Variants in ANKS1B observed in about 807,000 individuals in gnomAD.
ANKS1B encodes ankyrin repeat and sterile alpha motif domain-containing protein 1B.
ANKS1B carries 36 observed loss-of-function variants against 148.3 expected under a neutral mutation model. The observed-to-expected ratio is 0.24, with a 90% confidence interval of 0.19 to 0.32. The LOEUF (loss-of-function observed/expected upper bound fraction) is 0.32. Ranked by LOEUF, ANKS1B falls within the 10% of genes least tolerant of loss-of-function variation. The pLI is 1.00. For missense variants in ANKS1B, 1,157 were observed against 1,542.6 expected, an observed-to-expected ratio of 0.75 and a Z score of 4.19; for synonymous variants, 542 against 560.8, an observed-to-expected ratio of 0.97 and a Z score of 0.47.
chr12:99,156,683 C>T (rs1369160272), intron 14 of ANKS1B, among the ~76,000 whole-genome samples: 1 of 152,178 alleles, frequency 6.6e-6, no homozygotes, highest in Non-Finnish European at 1.5e-5. Context: ...TATGAAACCT[C>T]TTCTAATCTT....
intron 1 of ANKS1B, among the ~76,000 whole-genome samples, chr12:99,894,329 G>GAGGGAGGGAAGAAAAGA (rs1196013915): frequency 2.6e-5 from 2 of 78,066 alleles, no homozygotes; most frequent in Non-Finnish European, 5.3e-5. Context: ...GGGAGGGAGG[G>GAGGGAGGGAAGAAAAGA]AAAGAAAAGA....
chr12:99,273,572 C>CG (rs2077298556), intron 12 of ANKS1B, among the ~76,000 whole-genome samples: 2 of 126,242 alleles, frequency 1.6e-5, no homozygotes, highest in Non-Finnish European at 3.3e-5. Context: ...TTTTTTTTTG[C>CG]GATTTTTTTT....
chr12:99,868,333 C>T (rs1177162251), intron 1 of ANKS1B, among the ~76,000 whole-genome samples: 1 of 152,112 alleles, frequency 6.6e-6, no homozygotes, highest in African/African-American at 2.4e-5. Context: ...GCACTTTCTT[C>T]TATGTATATT....
At chr12:98,836,422 A>AGT (rs2099363486) in intron 17 of ANKS1B, among the ~76,000 whole-genome samples, 1 of 152,156 alleles carries the variant, frequency 6.6e-6, no homozygotes, top group African/African-American at 2.4e-5. Context: ...CTCACTGTGG[A>AGT]GTGGTAGAGA....
At chr12:99,529,785 G>C (rs1204286236) in intron 9 of ANKS1B, among the ~76,000 whole-genome samples, 1 of 148,294 alleles carries the variant, frequency 6.7e-6, no homozygotes, top group Non-Finnish European at 1.5e-5. Flanking sequence ...TCATACCTAT[G>C]TTACATATTT....
At chr12:99,848,789 A>C (rs1333308529) in intron 1 of ANKS1B, among the ~76,000 whole-genome samples, 1 of 152,046 alleles carries the variant, frequency 6.6e-6, no homozygotes, top group African/African-American at 2.4e-5. Flanking sequence ...CCCAATAAAA[A>C]ATGAGCAACG....
chr12:99,463,145 G>T (rs2096014908), intron 10 of ANKS1B, among the ~76,000 whole-genome samples: 2 of 152,130 alleles, frequency 1.3e-5, no homozygotes, highest in Admixed American at 6.5e-5. Context: ...ACTACCAACA[G>T]GCACTTCACA....
chr12:99,610,226 TGAA>T (rs1163575060), intron 9 of ANKS1B, among the ~76,000 whole-genome samples: 1 of 152,138 alleles, frequency 6.6e-6, no homozygotes, highest in Non-Finnish European at 1.5e-5. Flanking sequence ...TTAGATTTGA[TGAA>T]GAATAGACAG....
intron 17 of ANKS1B, among the ~76,000 whole-genome samples, chr12:98,958,125 C>T (rs1395555226): frequency 1.3e-5 from 2 of 152,142 alleles, no homozygotes; most frequent in Non-Finnish European, 2.9e-5. Context: ...ACTTTAATTG[C>T]AATCTCTATT....
chr12:99,365,761 C>T (rs925993789), intron 12 of ANKS1B, among the ~76,000 whole-genome samples: 4 of 152,036 alleles, frequency 2.6e-5, no homozygotes, highest in African/African-American at 7.2e-5. Flanking sequence ...CCAGAAGTGG[C>T]GGTCTCTATC....
Position 99,156,734 on chromosome 12 carries a change from G to T in ANKS1B, c.2420-2339C>A, listed in dbSNP as rs552136910. Among the ~76,000 whole-genome samples, 7 of 152,132 alleles carry T rather than the reference G, an allele frequency of 4.6e-5. No individual in the cohort carries two copies. The East Asian group carries it at 1.4e-3, about 29-fold the overall frequency. On this transcript the variant is annotated intron_variant, in intron 14 of 26. Transcript: ENST00000683438. ...ATCTCTTTCTTCTCTGTCTTAAATG[G>T]CATTTTTAGACCCTCTATTGTAACA... is the stretch of plus-strand genomic sequence containing the variant.
intron 14 of ANKS1B, among the ~76,000 whole-genome samples, chr12:99,215,776 A>AT (rs1183294882): frequency 6.6e-6 from 1 of 152,186 alleles, no homozygotes; most frequent in Non-Finnish European, 1.5e-5. Flanking sequence ...ACTTGCTTTG[A>AT]TTTTATGGGC....
chr12:98,894,909 C>A, intron 17 of ANKS1B: 1 of 951,964 alleles, frequency 1.1e-6, no homozygotes, highest in Non-Finnish European at 1.2e-6. Flanking sequence ...CCCCCGCCCC[C>A]CGCGCGGCGC....
At chr12:99,305,719 A>G (rs1046508151) in intron 12 of ANKS1B, among the ~76,000 whole-genome samples, 5 of 152,158 alleles carry the variant, frequency 3.3e-5, no homozygotes. Context: ...GAAAGCTTGA[A>G]TAACCACAGA....
rs200564308 is a variant in ANKS1B at position 99,262,716 on chromosome 12, TTTTA to T, written c.1757-15856_1757-15853del. On this transcript the variant is annotated intron_variant, in intron 12 of 26. Coordinates refer to ENST00000683438, the MANE Select transcript of ANKS1B (RefSeq NM_001352186.2). ...CACCTAAAAAATTGAGACATGTTTA[TTTTA>T]TTTGTCTAAAAATTTATTGTCTAAA... is the stretch of plus-strand genomic sequence containing the variant. Among the ~76,000 whole-genome samples the T allele has an allele frequency of 1.2e-3, 179 of 152,060 alleles. 2 individuals are homozygous for T. In the East Asian group the frequency reaches 0.031, roughly 26 times the overall value.
At chr12:99,788,009 G>A (rs1338818689) in intron 4 of ANKS1B, among the ~76,000 whole-genome samples, 1 of 152,204 alleles carries the variant, frequency 6.6e-6, no homozygotes, top group East Asian at 1.9e-4. Flanking sequence ...GCAGGCTGAA[G>A]TGCTCTGGGA....
At chr12:99,089,227 T>C (rs1409671429) in intron 15 of ANKS1B, among the ~76,000 whole-genome samples, 1 of 151,876 alleles carries the variant, frequency 6.6e-6, no homozygotes, top group Non-Finnish European at 1.5e-5. Context: ...CTCCGTCATG[T>C]CCATCTTCTG....
chr12:98,916,677 C>T (rs967775093), intron 17 of ANKS1B, among the ~76,000 whole-genome samples: 2 of 152,210 alleles, frequency 1.3e-5, no homozygotes, highest in Admixed American at 1.3e-4. Context: ...GCAGCCTTAT[C>T]AATGCAGAGT....
intron 21 of ANKS1B, among the ~76,000 whole-genome samples, chr12:98,799,977 G>A (rs950498209): frequency 3.3e-5 from 5 of 152,026 alleles, no homozygotes; most frequent in African/African-American, 4.8e-5. Context: ...CTGCAGAGAC[G>A]GGGATGGGAA....
Sources: allele counts gnomAD v4.1 joint callset (sites outside exome capture counted in the v4.1 genomes callset), GRCh38; gene constraint gnomAD v4.1.1; transcripts MANE v1.5; gene names NCBI Gene and HGNC (gene_info 2026-07-23, HGNC 2026-07-21).